Variants in PKIB observed in about 807,000 individuals in gnomAD.
PKIB encodes PKI-beta.
PKIB carries 2 observed loss-of-function variants against 4.5 expected under a neutral mutation model. The ratio of observed to expected loss-of-function variants is 0.44; its 90% confidence interval spans 0.18 to 1.39. PKIB has a LOEUF of 1.39. PKIB is among the 40% of genes most tolerant of loss of function. The pLI, the probability that PKIB is intolerant of heterozygous loss-of-function variation, is 0.27. For missense variants in PKIB, 94 were observed against 92.6 expected, an observed-to-expected ratio of 1.02 and a Z score of -0.06; for synonymous variants, 38 against 36.0, an observed-to-expected ratio of 1.06 and a Z score of -0.20.
intron 2 of PKIB, chr6:122,479,281 C>T (rs1293070465): frequency 6.6e-6 from 1 of 152,050 alleles, no homozygotes; most frequent in Admixed American, 6.6e-5. Flanking sequence ...CTGTCCCAGA[C>T]ACATTAAAGC....
chr6:122,482,544 ATTTTTT>A (rs571676167), intron 2 of PKIB: 35 of 103,702 alleles, frequency 3.4e-4, no homozygotes, highest in South Asian at 6.6e-4. Flanking sequence ...TTTAGGTTGG[ATTTTTT>A]TTTTTTTTTT....
At chr6:122,549,376 T>C (rs566821952) in intron 2 of PKIB, among the ~76,000 whole-genome samples, 2 of 152,328 alleles carry the variant, frequency 1.3e-5, no homozygotes, top group East Asian at 3.9e-4. Context: ...TTTTAGACAA[T>C]TGAATTTCCC....
intron 3 of PKIB, among the ~76,000 whole-genome samples, chr6:122,682,739 C>T (rs1777948959): frequency 6.6e-6 from 1 of 152,154 alleles, no homozygotes. Context: ...CTTCTGCTGT[C>T]TTCCAAAGCT....
chr6:122,669,653 G>A (rs1032216028), intron 2 of PKIB, among the ~76,000 whole-genome samples: 3 of 151,828 alleles, frequency 2.0e-5, no homozygotes, highest in African/African-American at 7.3e-5. Flanking sequence ...TGAGTTCCAG[G>A]CCCATACTTT....
At chr6:122,487,593 G>A (rs1386386941) in intron 2 of PKIB, among the ~76,000 whole-genome samples, 2 of 152,152 alleles carry the variant, frequency 1.3e-5, no homozygotes. Flanking sequence ...AGAAGGTGCT[G>A]TTTTGTTGTG....
chr6:122,584,431 T>C (rs1773794126), intron 2 of PKIB, among the ~76,000 whole-genome samples: 1 of 152,134 alleles, frequency 6.6e-6, no homozygotes, highest in Non-Finnish European at 1.5e-5. Context: ...GGTGTTTTGA[T>C]TTGTGTGAAT....
chr6:122,606,284 A>G (rs1181005263), upstream of PKIB, among the ~76,000 whole-genome samples: 3 of 152,344 alleles, frequency 2.0e-5, no homozygotes, highest in East Asian at 3.9e-4. Context: ...ATTAAAAGCT[A>G]GAAGAGGGCT....
intron 3 of PKIB, among the ~76,000 whole-genome samples, chr6:122,694,046 A>G (rs2115007804): frequency 6.6e-6 from 1 of 152,290 alleles, no homozygotes; most frequent in Admixed American, 6.5e-5. Context: ...GCATTTCTAC[A>G]CTTTGTTAAA....
At chr6:122,601,738 G>A (rs1416557448) in intron 3 of PKIB, among the ~76,000 whole-genome samples, 1 of 151,908 alleles carries the variant, frequency 6.6e-6, no homozygotes, top group Non-Finnish European at 1.5e-5. Context: ...ATTTTCTTTT[G>A]TCTGGCTTAC....
At chr6:122,603,900 G>C (rs1305226373) in intron 3 of PKIB, among the ~76,000 whole-genome samples, 1 of 152,114 alleles carries the variant, frequency 6.6e-6, no homozygotes, top group Non-Finnish European at 1.5e-5. Flanking sequence ...AATTATTTTT[G>C]GTGTTTTGTT....
chr6:122,690,175 C>G (rs1375557333), intron 3 of PKIB, among the ~76,000 whole-genome samples: 1 of 151,242 alleles, frequency 6.6e-6, no homozygotes, highest in East Asian at 1.9e-4. Context: ...GGCAACAGAT[C>G]ATTGGGTCTT....
intron 1 of PKIB, among the ~76,000 whole-genome samples, chr6:122,629,212 C>A (rs1350219031): frequency 6.6e-6 from 1 of 152,134 alleles, no homozygotes; most frequent in East Asian, 1.9e-4. Context: ...CCAGATAGAG[C>A]TATATGCTAG....
At chr6:122,482,493 C>T (rs933930409) in intron 2 of PKIB, 1 of 151,060 alleles carries the variant, frequency 6.6e-6, no homozygotes, top group Non-Finnish European at 1.5e-5. Flanking sequence ...AATCTCCACC[C>T]TTGTGTGTGA....
intron 2 of PKIB, among the ~76,000 whole-genome samples, chr6:122,546,272 A>G (rs1049431811): frequency 1.3e-5 from 2 of 151,800 alleles, no homozygotes; most frequent in South Asian, 4.2e-4. Context: ...AGCATGAGGG[A>G]CTCTTGGTTG....
At chr6:122,480,471 A>C (rs1775583048) in intron 2 of PKIB, 1 of 152,232 alleles carries the variant, frequency 6.6e-6, no homozygotes, top group Non-Finnish European at 1.5e-5. Flanking sequence ...TAATATTTTA[A>C]TGTTAGTAAT....
intron 3 of PKIB, among the ~76,000 whole-genome samples, chr6:122,594,365 C>A (rs1307708549): frequency 2.6e-5 from 4 of 151,988 alleles, no homozygotes; most frequent in Non-Finnish European, 4.4e-5. Context: ...CGCCACCATG[C>A]CCAGCTAATT....
chr6:122,555,389 A>G (rs1290365614), intron 2 of PKIB, among the ~76,000 whole-genome samples: 1 of 152,198 alleles, frequency 6.6e-6, no homozygotes, highest in African/African-American at 2.4e-5. Context: ...GGCCATAAAA[A>G]CAGTTGGAAG....
At chr6:122,669,888 A>C (rs974914630) in intron 2 of PKIB, among the ~76,000 whole-genome samples, 2 of 152,152 alleles carry the variant, frequency 1.3e-5, no homozygotes, top group Admixed American at 6.5e-5. Flanking sequence ...TTCCGACATC[A>C]GTTTGGCAGT....
chr6:122,665,216 A>C (rs781291773), intron 2 of PKIB, among the ~76,000 whole-genome samples: 11 of 152,254 alleles, frequency 7.2e-5, no homozygotes, highest in Non-Finnish European at 1.5e-4. Context: ...GAAAACCAGA[A>C]GTGAACATTT....
Sources: gnomAD v4.1 joint callset for allele counts (sites outside exome capture counted in the v4.1 genomes callset) on GRCh38, gnomAD v4.1.1 for gene constraint, MANE v1.5 for transcripts, NCBI Gene and HGNC (gene_info 2026-07-23, HGNC 2026-07-21) for gene names.